The following CSMD3 variants were observed in gnomAD, a reference collection of about 807,000 sequenced individuals.
CSMD3 encodes CUB and sushi domain-containing protein 3.
In CSMD3, 177 loss-of-function variants were observed where a neutral mutation model predicts 435.2. That is an observed-to-expected ratio of 0.41 (90% CI 0.36 to 0.46). CSMD3 has a LOEUF of 0.46. CSMD3 is among the 20% of genes least tolerant of loss of function. The pLI is 0.34. For missense variants in CSMD3, 4,265 were observed against 4,504.6 expected, an observed-to-expected ratio of 0.95 and a Z score of 1.52; for synonymous variants, 1,656 against 1,520.5, an observed-to-expected ratio of 1.09 and a Z score of -2.07.
chr8:112,323,103 A>C (rs976732373), intron 45 of CSMD3, among the ~76,000 whole-genome samples: 1 of 151,976 alleles, frequency 6.6e-6, no homozygotes, highest in Admixed American at 6.6e-5. Flanking sequence ...TCAGGGTTGA[A>C]CTATGTAATT....
At position 112,443,333 on chromosome 8, in the gene CSMD3, T is replaced by C. The variant is rs1815247639; in HGVS notation, c.5395+29258A>G. Among the ~76,000 whole-genome samples, 5 of 152,310 alleles carry C rather than the reference T, an allele frequency of 3.3e-5. No homozygotes were observed. In the South Asian group the frequency reaches 1.0e-3, roughly 32 times the overall value. ...GACTTATCTCATGGTTATTTGAGTATAATTTGGCCAAAGTCCAAATAGGAA... is the reference window on the plus strand; with the variant it reads ...GACTTATCTCATGGTTATTTGAGTACAATTTGGCCAAAGTCCAAATAGGAA... On this transcript the variant is annotated intron_variant, in intron 32 of 70. Transcript: ENST00000297405.
chr8:112,904,805 A>G (rs1361240834), intron 10 of CSMD3, among the ~76,000 whole-genome samples: 2 of 151,286 alleles, frequency 1.3e-5, no homozygotes, highest in African/African-American at 2.4e-5. Context: ...AATGCATCCT[A>G]AAGTATCTAC....
chr8:113,107,572 T>C (rs2090517528), intron 4 of CSMD3, among the ~76,000 whole-genome samples: 1 of 152,208 alleles, frequency 6.6e-6, no homozygotes, highest in East Asian at 1.9e-4. Context: ...CATCCCATAC[T>C]GTATTTTCCA....
chr8:113,338,497 G>A (rs183080798), intron 1 of CSMD3, among the ~76,000 whole-genome samples: 1 of 151,468 alleles, frequency 6.6e-6, no homozygotes, highest in Admixed American at 6.6e-5. Flanking sequence ...ACTGATGAAG[G>A]GATAAACAAA....
intron 31 of CSMD3, 23 bp downstream of exon 31, chr8:112,492,466 C>A (rs772009828): frequency 6.3e-7 from 1 of 1,599,418 alleles, no homozygotes; most frequent in African/African-American, 1.3e-5. Context: ...CATGAAAATT[C>A]AGCCAAAAAA....
At chr8:112,457,131 C>T (rs956458807) in intron 32 of CSMD3, among the ~76,000 whole-genome samples, 6 of 152,066 alleles carry the variant, frequency 3.9e-5, no homozygotes, top group Admixed American at 1.3e-4. Flanking sequence ...AGTGCCCCTA[C>T]CTCATTTTAG....
intron 13 of CSMD3, among the ~76,000 whole-genome samples, chr8:112,722,664 C>T (rs1268231047): frequency 3.3e-5 from 5 of 151,888 alleles, no homozygotes; most frequent in African/African-American, 2.4e-5. Flanking sequence ...TGAATCTAAG[C>T]GAAGAATATG....
intron 45 of CSMD3, among the ~76,000 whole-genome samples, chr8:112,332,197 T>C (rs946545103): frequency 1.3e-5 from 2 of 152,140 alleles, no homozygotes; most frequent in Middle Eastern, 3.2e-3. Context: ...CTAAGGCTTA[T>C]AAAATAATAC....
At chr8:112,808,563 A>C (rs748811415) in intron 12 of CSMD3, among the ~76,000 whole-genome samples, 3 of 152,156 alleles carry the variant, frequency 2.0e-5, no homozygotes, top group Non-Finnish European at 2.9e-5. Context: ...GAATTTGCCC[A>C]GTCGATAGTA....
intron 27 of CSMD3, among the ~76,000 whole-genome samples, chr8:112,537,328 C>CA (rs1445655927): frequency 1.3e-5 from 2 of 151,372 alleles, no homozygotes; most frequent in Non-Finnish European, 2.9e-5. Context: ...TGATGCTCCT[C>CA]AAAGAACTAG....
intron 50 of CSMD3, among the ~76,000 whole-genome samples, chr8:112,309,773 C>G (rs925635559): frequency 1.2e-4 from 18 of 152,118 alleles, no homozygotes; most frequent in African/African-American, 4.3e-4. Context: ...GAAAGCTATC[C>G]TTTTATGAAT....
intron 2 of CSMD3, among the ~76,000 whole-genome samples, chr8:113,288,660 C>T (rs569326530): frequency 1.5e-4 from 23 of 151,864 alleles, no homozygotes; most frequent in Admixed American, 2.6e-4. Context: ...AGTTTCCCCA[C>T]CTTGTATAAA....
intron 27 of CSMD3, among the ~76,000 whole-genome samples, chr8:112,530,985 G>T (rs914855824): frequency 6.6e-6 from 1 of 152,132 alleles, no homozygotes; most frequent in Non-Finnish European, 1.5e-5. Context: ...GACCTGGAAG[G>T]CTGTGGGCTT....
intron 13 of CSMD3, among the ~76,000 whole-genome samples, chr8:112,749,119 A>T (rs555446850): frequency 3.3e-5 from 5 of 151,952 alleles, no homozygotes; most frequent in Admixed American, 6.6e-5. Flanking sequence ...TCATATGTGT[A>T]TCGGCCGTAT....
At chr8:112,634,103 G>A (rs556677219) in intron 22 of CSMD3, among the ~76,000 whole-genome samples, 9 of 151,882 alleles carry the variant, frequency 5.9e-5, no homozygotes, top group Admixed American at 1.3e-4. Flanking sequence ...TTGGTGTTAG[G>A]GTATATGAAA....
chr8:113,341,647 A>C (rs1272875813), intron 1 of CSMD3, among the ~76,000 whole-genome samples: 2 of 152,152 alleles, frequency 1.3e-5, no homozygotes, highest in African/African-American at 4.8e-5. Flanking sequence ...ACTGAGGGAA[A>C]TAAAAAATGT....
At chr8:112,877,433 A>AT (rs2081317441) in intron 10 of CSMD3, among the ~76,000 whole-genome samples, 1 of 151,848 alleles carries the variant, frequency 6.6e-6, no homozygotes, top group Admixed American at 6.6e-5. Flanking sequence ...CACCTGGCTA[A>AT]TTTTTTGTAT....
intron 38 of CSMD3, among the ~76,000 whole-genome samples, chr8:112,368,384 T>C (rs1036521623): frequency 7.9e-5 from 12 of 152,212 alleles, no homozygotes; most frequent in African/African-American, 2.9e-4. Context: ...CTTGACATTC[T>C]GGGTTGGTAG....
At chr8:113,409,815 A>G (rs1225381421) in intron 1 of CSMD3, among the ~76,000 whole-genome samples, 2 of 152,092 alleles carry the variant, frequency 1.3e-5, no homozygotes, top group Non-Finnish European at 2.9e-5. Flanking sequence ...GACTGGCTAC[A>G]ACAAAAAGAA....
Sources: gnomAD v4.1 joint callset for allele counts (sites outside exome capture counted in the v4.1 genomes callset) on GRCh38, gnomAD v4.1.1 for gene constraint, MANE v1.5 for transcripts, NCBI Gene and HGNC (gene_info 2026-07-23, HGNC 2026-07-21) for gene names.